Variants in SPNS3 observed in about 807,000 individuals in gnomAD.
SPNS3 encodes the protein protein spinster homolog 3.
In SPNS3, 51 loss-of-function variants were observed where a neutral mutation model predicts 54.4. That is an observed-to-expected ratio of 0.94 (90% CI 0.75 to 1.18). SPNS3 has a LOEUF of 1.18. SPNS3 is among the 50% of genes most tolerant of loss of function. The probability of loss-of-function intolerance (pLI) is 0.00; values close to 1 mark genes in which losing one functional copy is unlikely to be tolerated. For missense variants in SPNS3, 669 were observed against 677.4 expected (o/e 0.99, Z 0.14); for synonymous variants, 309 against 294.7 (o/e 1.05, Z -0.50).
At chr17:4,485,461 G>A (rs578245205) in intron 9 of SPNS3, among the ~76,000 whole-genome samples, 25 of 151,082 alleles carry the variant, frequency 1.7e-4, no homozygotes, top group Admixed American at 7.9e-4. Context: ...GCAGTGGTAC[G>A]ATCTCAGCTC....
intron 8 of SPNS3, among the ~76,000 whole-genome samples, chr17:4,454,136 T>C (rs578148293): frequency 3.9e-5 from 6 of 152,332 alleles, no homozygotes; most frequent in African/African-American, 1.4e-4. Context: ...ACGTTCCCAC[T>C]TGGGCTCAGC....
At chr17:4,456,908 T>G (rs983387725) in intron 8 of SPNS3, among the ~76,000 whole-genome samples, 1 of 152,144 alleles carries the variant, frequency 6.6e-6, no homozygotes, top group Non-Finnish European at 1.5e-5. Context: ...AGAGATGGTG[T>G]TTCACCATTT....
At chr17:4,436,878 G>T (rs1970730330) in intron 1 of SPNS3, among the ~76,000 whole-genome samples, 1 of 152,234 alleles carries the variant, frequency 6.6e-6, no homozygotes, top group South Asian at 2.1e-4. Context: ...GGCGAGAAGG[G>T]GCAAGAGGTG....
rs201321679 is a variant in SPNS3, at chr17:4,453,216, G to T, written c.1113+11G>T. 6.2e-7 allele frequency: 1 copy of T among 1,607,956 alleles called. No individual in the cohort carries two copies. Among genetic ancestry groups the T allele is most frequent in the Middle Eastern group, 1.9e-4 (1 of 5,338 alleles). On this transcript the variant is annotated intron_variant, in intron 8 of 11. Coordinates refer to ENST00000355530, the MANE Select transcript of SPNS3 (RefSeq NM_182538.5). Reference sequence around the variant, plus strand: ...CTGCTGGCCTCCTATGTAAGTGAGAGCCTCTATGGAGGTGGGGACAGGGTT... The same window carrying T: ...CTGCTGGCCTCCTATGTAAGTGAGATCCTCTATGGAGGTGGGGACAGGGTT...
intron 8 of SPNS3, among the ~76,000 whole-genome samples, chr17:4,474,049 C>T (rs897344820): frequency 2.0e-5 from 3 of 152,228 alleles, no homozygotes; most frequent in African/African-American, 4.8e-5. Context: ...GACAGGCCCA[C>T]TCGTCCTTCC....
chr17:4,447,332 G>A (rs532602879), intron 5 of SPNS3, among the ~76,000 whole-genome samples: 1 of 152,330 alleles, frequency 6.6e-6, no homozygotes, highest in African/African-American at 2.4e-5. Flanking sequence ...GTGTAGAGTA[G>A]GCCCTTGAGG....
In SPNS3 at chr17:4,486,934, G is replaced by T. The variant is rs1270653863; in HGVS notation, c.1450+351G>T. On this transcript the variant is annotated intron_variant, in intron 11 of 11. Coordinates refer to ENST00000355530, the MANE Select transcript of SPNS3 (RefSeq NM_182538.5). The surrounding 1 kb of genome is among the most constrained non-coding windows in gnomAD (Gnocchi z 5.5). ...CACACCTGTAATCCCAGTACTTGGG[G>T]AGGCCAAGGCGGGCGGATTACAAGG... 6.6e-6 allele frequency among the ~76,000 whole-genome samples: 1 copy of T among 152,108 alleles called. No homozygotes were observed. The highest frequency in any genetic ancestry group is 2.4e-5 in the African/African-American group (1 of 41,410).
rs767534601 is a variant in SPNS3 at position 4,446,073 on chromosome 17, G to C, written c.428G>C (p.Arg143Pro). ...PRYSWLFFLSRGIVGTGSASY... is the reference protein window; with the variant it reads ...PRYSWLFFLSPGIVGTGSASY... ...TATTCTTGGCTCTTCTTCCTGTCCC[G>C]GGGCATCGTGGGCACTGGCTCGGCC... The change falls in exon 4 of 12, where the codon CGG becomes CCG. Residue 143 changes from arginine (R) to proline (P), a missense_variant. Coordinates refer to ENST00000355530, the MANE Select transcript of SPNS3 (RefSeq NM_182538.5). 6.2e-7 allele frequency: 1 copy of C among 1,610,902 alleles called. No individual in the cohort carries two copies. The highest frequency in any genetic ancestry group is 8.5e-7 in the Non-Finnish European group (1 of 1,177,888).
At chr17:4,484,882 C>T (rs1324521975) in intron 9 of SPNS3, 2 of 152,066 alleles carry the variant, frequency 1.3e-5, no homozygotes, top group African/African-American at 2.4e-5. Context: ...TGCCTGGTGT[C>T]TTGCAGGGAC....
chr17:4,446,329 C>T, intron 4 of SPNS3, 130 bp downstream of exon 4: 1 of 1,007,234 alleles, frequency 9.9e-7, no homozygotes, highest in Non-Finnish European at 1.4e-6. Context: ...TGCTACCCCT[C>T]CCTCACCATG....
At chr17:4,487,784 C>T in intron 11 of SPNS3, 22 bp from the exon 12 acceptor site, 1 of 1,610,290 alleles carries the variant, frequency 6.2e-7, no homozygotes. Context: ...TTCGGGCAGG[C>T]TGAGCATCTT....
chr17:4,471,539 GT>G (rs1375659756), intron 8 of SPNS3, among the ~76,000 whole-genome samples: 1 of 151,744 alleles, frequency 6.6e-6, no homozygotes, highest in Non-Finnish European at 1.5e-5. Flanking sequence ...AATCATGGCT[GT>G]CTGCAGCCTT....
chr17:4,484,231 A>G (rs1406983154), intron 9 of SPNS3, among the ~76,000 whole-genome samples: 2 of 152,208 alleles, frequency 1.3e-5, no homozygotes, highest in African/African-American at 4.8e-5. Flanking sequence ...GTAAAAATGC[A>G]GGTGATCATC....
chr17:4,467,918 G>A lies in SPNS3; in HGVS notation c.1114-10654G>A, dbSNP rs145770276. 5.2e-3 allele frequency among the ~76,000 whole-genome samples: 789 copies of A among 152,322 alleles called. 6 individuals carry two copies. Among genetic ancestry groups the A allele is most frequent in the Non-Finnish European group, 8.5e-3 (580 of 68,034 alleles). On this transcript the variant is annotated intron_variant, in intron 8 of 11. Transcript: ENST00000355530. Reference sequence around the variant, plus strand: ...ATTCCTGACCTCAAGTGGTCCACTCGCCTCGGCCTCCCAGAGTGCTGGGAT... The same window carrying A: ...ATTCCTGACCTCAAGTGGTCCACTCACCTCGGCCTCCCAGAGTGCTGGGAT...
At chr17:4,446,678 C>T in intron 4 of SPNS3, 1 of 604,192 alleles carries the variant, frequency 1.7e-6, no homozygotes, top group Non-Finnish European at 3.0e-6. Context: ...GAGAGTGGCG[C>T]TGGGGGTGGG....
At position 4,463,322 on chromosome 17, in the gene SPNS3, A is replaced by G. The variant is rs574879220; in HGVS notation, c.1113+10117A>G. ...TGAGGCAGGAGAATCACTTGAGCTCAGGAGGTGGAGGTTGCAGTGAGCCGA... is the reference window on the plus strand; with the variant it reads ...TGAGGCAGGAGAATCACTTGAGCTCGGGAGGTGGAGGTTGCAGTGAGCCGA... On this transcript the variant is annotated intron_variant, in intron 8 of 11. Coordinates refer to ENST00000355530, the MANE Select transcript of SPNS3 (RefSeq NM_182538.5). 2.0e-5 allele frequency among the ~76,000 whole-genome samples: 3 copies of G among 149,328 alleles called. No individual in the cohort carries two copies. In the East Asian group the frequency reaches 6.2e-4, roughly 31 times the overall value.
chr17:4,467,076 A>G (rs1040703009), intron 8 of SPNS3, among the ~76,000 whole-genome samples: 2 of 151,766 alleles, frequency 1.3e-5, no homozygotes, highest in Non-Finnish European at 2.9e-5. Context: ...CCTGAGGGAG[A>G]ATGCATGGCT....
chr17:4,445,471 G>T (rs1970960321), intron 3 of SPNS3, among the ~76,000 whole-genome samples: 1 of 151,754 alleles, frequency 6.6e-6, no homozygotes, highest in Non-Finnish European at 1.5e-5. Context: ...TGCCTCCCGA[G>T]TTCAAGCAAT....
Position 4,449,431 on chromosome 17 carries a change from G to T in SPNS3, c.923+44G>T, listed in dbSNP as rs375094021. On this transcript the variant is annotated intron_variant, in intron 7 of 11. Transcript: ENST00000355530. Reference sequence around the variant, plus strand: ...CCTGGGCACCTGGCCCGGCTCGGGGGCTCTTGCTGAGGAAGTTCTGAGGTT... The same window carrying T: ...CCTGGGCACCTGGCCCGGCTCGGGGTCTCTTGCTGAGGAAGTTCTGAGGTT... 1,403 of 1,533,426 alleles carry T rather than the reference G, an allele frequency of 9.1e-4. 1 individual carries two copies. The highest frequency in any genetic ancestry group is 1.1e-3 in the Non-Finnish European group (1,300 of 1,152,534). The allele number at this position is 1,533,426 out of a possible 1,614,324, so 95.0% of individuals were successfully genotyped here.
Sources: allele counts gnomAD v4.1 joint callset (sites outside exome capture counted in the v4.1 genomes callset), GRCh38; gene constraint gnomAD v4.1.1; non-coding constraint Gnocchi (gnomAD v3.1); transcripts MANE v1.5; gene names NCBI Gene and HGNC (gene_info 2026-07-23, HGNC 2026-07-21).